SLC12A4: variants seen among roughly 807,000 people sequenced by gnomAD.
SLC12A4 encodes the protein solute carrier family 12 member 4.
SLC12A4 carries 84 observed loss-of-function variants against 119.2 expected under a neutral mutation model. The ratio of observed to expected loss-of-function variants is 0.70; its 90% CI spans 0.59 to 0.85. The LOEUF (loss-of-function observed/expected upper bound fraction) is 0.85, where lower values mean the gene tolerates loss of function less well. Among genes scored for constraint, SLC12A4 ranks in the 40% least tolerant of loss-of-function variants. SLC12A4 has a pLI of 0.00. For missense variants in SLC12A4, 1,298 were observed against 1,476.3 expected (o/e 0.88, Z 1.98); for synonymous variants, 599 against 604.6 (o/e 0.99, Z 0.14).
chr16:67,949,732 G>T lies in SLC12A4; in HGVS notation c.1748+68C>A. 1 of 1,089,474 alleles carries T rather than the reference G, an allele frequency of 9.2e-7. No individual in the cohort carries two copies. Among genetic ancestry groups the T allele is most frequent in the Non-Finnish European group, 1.4e-6 (1 of 740,202 alleles). The allele number at this position is 1,089,474 out of a possible 1,614,324, so 67.5% of individuals were successfully genotyped here. On this transcript the variant is annotated intron_variant, in intron 13 of 23. Transcript: ENST00000316341. The surrounding 1 kb of genome is among the most constrained non-coding windows in gnomAD (Gnocchi z 4.6). ...AGCTGGACCTCCAACACCAGACGCAGCCACGGGGAGGTGCTGGGGTTCAGG... is the reference window on the plus strand; with the variant it reads ...AGCTGGACCTCCAACACCAGACGCATCCACGGGGAGGTGCTGGGGTTCAGG...
Position 67,944,805 on chromosome 16 carries a change from A to C in SLC12A4, c.*35T>G. Reference sequence around the variant, plus strand: ...ACCACAGCTTGTTATGTCCTGGCCAAGACCTCGACTCCAGGCCACAAGATG... The same window carrying C: ...ACCACAGCTTGTTATGTCCTGGCCACGACCTCGACTCCAGGCCACAAGATG... On this transcript the variant is annotated 3_prime_UTR_variant, in exon 24 of 24. Coordinates refer to ENST00000316341, the MANE Select transcript of SLC12A4 (RefSeq NM_005072.5). The surrounding 1 kb of genome is among the most constrained non-coding windows in gnomAD (Gnocchi z 6.6). The C allele has an allele frequency of 1.2e-6, 2 of 1,609,416 alleles. No individual in the cohort carries two copies. Among genetic ancestry groups the C allele is most frequent in the South Asian group, 1.1e-5 (1 of 90,844 alleles).
At chr16:67,947,937 C>A in intron 14 of SLC12A4, 124 bp downstream of exon 14, 1 of 1,465,804 alleles carries the variant, frequency 6.8e-7, no homozygotes. Context: ...GGTCCAGTCC[C>A]CCGCAGCCCT....
Position 67,945,138 on chromosome 16 carries a change from C to A in SLC12A4, c.3115G>T (p.Val1039Phe). The A allele has an allele frequency of 1.2e-6, 2 of 1,600,504 alleles. No individual in the cohort carries two copies. Among genetic ancestry groups the A allele is most frequent in the South Asian group, 2.2e-5 (2 of 89,278 alleles). ...GGTGGGCCAGGCATGTTTAGGAGAA[C>A]CAGGCGGGCGTCGTGGGAGCGCGTG... ...IVTRSHDARL[V>F]LLNMPGPPRN... The change falls in exon 23 of 24, where the codon GTT (valine) becomes TTT (phenylalanine). Residue 1039 changes from valine (V) to phenylalanine (F), a missense_variant. Physicochemically the swap from Val to Phe is conservative, Grantham distance 50 (BLOSUM62 -1). Coordinates refer to ENST00000316341, the MANE Select transcript of SLC12A4 (RefSeq NM_005072.5).
chr16:67,954,798 C>T (rs1191139129), intron 5 of SLC12A4, 25 bp from the exon 6 acceptor site: 7 of 1,613,898 alleles, frequency 4.3e-6, no homozygotes, highest in African/African-American at 1.3e-5. Context: ...TGAAAGTGTG[C>T]ACAGGTCAAG....
In SLC12A4 at chr16:67,945,758, ACT is replaced by A; in HGVS notation, c.2847+4_2847+5del. The A allele has an allele frequency of 6.2e-7, 1 of 1,612,226 alleles. No individual in the cohort carries two copies. The highest frequency in any genetic ancestry group is 8.5e-7 in the Non-Finnish European group (1 of 1,179,314). ...CGCCCTGGCGTGAACCACAAAGGGC[ACT>A]GACTTCTCGCTCCCGCTCAGTCTTG... is the stretch of plus-strand genomic sequence containing the variant. On this transcript the variant is annotated splice_donor_5th_base_variant and intron_variant, in intron 21 of 23. Transcript: ENST00000316341.
chr16:67,961,511 T>C (rs910619996), intron 3 of SLC12A4, 64 bp downstream of exon 3: 2 of 1,580,308 alleles, frequency 1.3e-6, no homozygotes, highest in East Asian at 4.5e-5. Flanking sequence ...GGGGAAACAG[T>C]CAATTCCATG....
Position 67,946,254 on chromosome 16 carries a change from G to A in SLC12A4, c.2524C>T (p.Leu842=). Residue 842 remains leucine (L), a synonymous_variant, in exon 19 of 24, where the codon CTG becomes TTG. Coordinates refer to ENST00000316341, the MANE Select transcript of SLC12A4 (RefSeq NM_005072.5). ...CACCACACGTCTATGTGGCCCTCCAGGTAGCGCTCGTGGTTGCTGGGGTAG... is the reference window on the plus strand; with the variant it reads ...CACCACACGTCTATGTGGCCCTCCAAGTAGCGCTCGTGGTTGCTGGGGTAG... ...AFYPSNHERY[L]EGHIDVWWIV... The A allele has an allele frequency of 6.2e-7, 1 of 1,613,780 alleles. No individual in the cohort carries two copies. The highest frequency in any genetic ancestry group is 8.5e-7 in the Non-Finnish European group (1 of 1,180,032).
At chr16:67,964,099 A>G (rs1331959406) in intron 1 of SLC12A4, 3 of 1,521,646 alleles carry the variant, frequency 2.0e-6, no homozygotes, top group Non-Finnish European at 2.7e-6. Context: ...AGCCCGGGGC[A>G]TGCCGGGAGG....
Position 67,943,801 on chromosome 16 carries a change from G to T in SLC12A4, c.*1039C>A. The T allele has an allele frequency of 2.7e-6, 2 of 740,440 alleles. No individual in the cohort carries two copies. Among genetic ancestry groups the T allele is most frequent in the Non-Finnish European group, 4.3e-6 (2 of 460,074 alleles). 45.9% of individuals were successfully genotyped at this position (740,440 alleles called of 1,614,324 possible). On this transcript the variant is annotated 3_prime_UTR_variant, in exon 24 of 24. Transcript: ENST00000316341. The surrounding 1 kb of genome is among the most constrained non-coding windows in gnomAD (Gnocchi z 4.6). The stretch of plus-strand genomic sequence containing the variant: ...GGGACGTCATTCCTCTAAGGGACAA[G>T]CTTTTGGCCCCTCCCCACACCAGGG...
chr16:67,959,534 C>G (rs76526419), intron 3 of SLC12A4, among the ~76,000 whole-genome samples: 240 of 152,266 alleles, frequency 1.6e-3, no homozygotes, highest in African/African-American at 5.5e-3. Context: ...ACCTAAAGGA[C>G]TTCAGAAGAG....
Position 67,966,907 on chromosome 16 carries a change from C to T in SLC12A4, c.115+1532G>A, listed in dbSNP as rs1288719364. ...CAATGTAGCTCCAGGTCCCTCCAGT[C>T]ACCCTGTAGGGGCCAAGGCGTGGCC... On this transcript the variant is annotated intron_variant, in intron 1 of 23. Coordinates refer to ENST00000316341, the MANE Select transcript of SLC12A4 (RefSeq NM_005072.5). 1.8e-5 allele frequency: 26 copies of T among 1,476,208 alleles called. 1 individual carries two copies. The highest frequency in any genetic ancestry group is 2.4e-5 in the Non-Finnish European group (26 of 1,106,120). 91.4% of individuals were successfully genotyped at this position (1,476,208 alleles called of 1,614,324 possible). A position where few individuals can be genotyped will look rare whatever the true frequency, so the allele number is the denominator to read the frequency against.
rs779813061 is a variant in SLC12A4, at chr16:67,951,169, A to C, written c.1268T>G (p.Leu423Arg). 3.7e-6 allele frequency: 6 copies of C among 1,614,076 alleles called. No homozygotes were observed. The highest frequency in any genetic ancestry group is 2.2e-5 in the South Asian group (2 of 91,088). Reference sequence around the variant, plus strand: ...TACAGAAGGGAAGAAGATGCCGACCAGCACGGTGAAGGATGTGGCGATGTC... The same window carrying C: ...TACAGAAGGGAAGAAGATGCCGACCCGCACGGTGAAGGATGTGGCGATGTC... The part of the protein sequence containing the change: ...VADIATSFTV[L>R]VGIFFPSVTG... Residue 423 changes from leucine (L) to arginine (R), a missense_variant, in exon 9 of 24, where the codon CTG becomes CGG. Leu to Arg is a moderately radical substitution (Grantham distance 102). Transcript: ENST00000316341. The surrounding 1 kb of genome is among the most constrained non-coding windows in gnomAD (Gnocchi z 5.2).
intron 3 of SLC12A4, among the ~76,000 whole-genome samples, chr16:67,960,462 C>G (rs1266230652): frequency 6.6e-6 from 1 of 152,014 alleles, no homozygotes; most frequent in African/African-American, 2.4e-5. Context: ...CCCTGAAGGG[C>G]AAGGTGAGAG....
At chr16:67,966,845 A>G in intron 1 of SLC12A4, 1 of 1,545,022 alleles carries the variant, frequency 6.5e-7, no homozygotes, top group South Asian at 1.2e-5. Context: ...CAGTGGGAGG[A>G]GCTGGCCTAG....
chr16:67,961,785 G>A, intron 2 of SLC12A4, 79 bp from the exon 3 acceptor site: 1 of 1,575,960 alleles, frequency 6.3e-7, no homozygotes, highest in Non-Finnish European at 8.7e-7. Flanking sequence ...CTGGTCCCTG[G>A]CCCTGTTCCA....
chr16:67,948,232 G>T, intron 13 of SLC12A4, 73 bp from the exon 14 acceptor site: 1 of 1,454,696 alleles, frequency 6.9e-7, no homozygotes, highest in Non-Finnish European at 9.6e-7. Context: ...GCTGGGCCTG[G>T]CCCAGAAACG....
intron 3 of SLC12A4, among the ~76,000 whole-genome samples, chr16:67,960,969 G>A (rs1395129676): frequency 1.3e-5 from 2 of 151,968 alleles, no homozygotes; most frequent in Non-Finnish European, 2.9e-5. Flanking sequence ...CCAACACTGC[G>A]AGCAGCAGGA....
chr16:67,963,398 C>G, intron 2 of SLC12A4, 67 bp downstream of exon 2: 1 of 1,074,522 alleles, frequency 9.3e-7, no homozygotes, highest in Non-Finnish European at 1.4e-6. Flanking sequence ...GCCCACGTGT[C>G]CAGCCTGCCT....
intron 5 of SLC12A4, among the ~76,000 whole-genome samples, chr16:67,955,928 G>A (rs2030235244): frequency 6.6e-6 from 1 of 151,770 alleles, no homozygotes; most frequent in African/African-American, 2.4e-5. Context: ...TGTAATCCCA[G>A]CACTTTGGGA....
Sources: gnomAD v4.1 joint callset for allele counts (sites outside exome capture counted in the v4.1 genomes callset) on GRCh38, gnomAD v4.1.1 for gene constraint, Gnocchi (gnomAD v3.1) non-coding constraint, MANE v1.5 for transcripts, NCBI Gene and HGNC (gene_info 2026-07-23, HGNC 2026-07-21) for gene names.